The following FNBP1L variants were observed in gnomAD, a reference collection of about 807,000 sequenced individuals.
FNBP1L encodes formin binding protein 1 like, also known as formin-binding protein 1-like.
In FNBP1L, 36 loss-of-function variants were observed where a neutral mutation model predicts 91.2. The ratio of observed to expected loss-of-function variants is 0.39; its 90% confidence interval spans 0.30 to 0.52. FNBP1L has a LOEUF of 0.52. FNBP1L is among the 20% of genes least tolerant of loss of function. The pLI is 0.66. For missense variants in FNBP1L, 571 were observed against 732.1 expected (o/e 0.78, Z 2.54); for synonymous variants, 242 against 237.0 (o/e 1.02, Z -0.19).
chr1:93,468,672 C>G (rs1669179243), intron 1 of FNBP1L, among the ~76,000 whole-genome samples: 1 of 152,210 alleles, frequency 6.6e-6, no homozygotes, highest in Non-Finnish European at 1.5e-5. Flanking sequence ...CTCAAGCAGT[C>G]TGCCTGCCTC....
chr1:93,512,915 C>T (rs1670914072), intron 2 of FNBP1L, among the ~76,000 whole-genome samples: 1 of 151,824 alleles, frequency 6.6e-6, no homozygotes, highest in African/African-American at 2.4e-5. Context: ...CAAGAAATAA[C>T]TGAAATCAGA....
chr1:93,524,729 A>C (rs943638164), intron 5 of FNBP1L, among the ~76,000 whole-genome samples: 2 of 151,660 alleles, frequency 1.3e-5, no homozygotes, highest in Non-Finnish European at 2.9e-5. Flanking sequence ...TTAACTTAAC[A>C]CTTGATGTCT....
chr1:93,529,925 G>A (rs999176017), intron 6 of FNBP1L, among the ~76,000 whole-genome samples, 169 bp downstream of exon 6: 1 of 152,126 alleles, frequency 6.6e-6, no homozygotes, highest in African/African-American at 2.4e-5. Context: ...ATTGGTCTGA[G>A]AAAGTAATAT....
At chr1:93,537,273 T>A (rs1671880426) in intron 10 of FNBP1L, among the ~76,000 whole-genome samples, 1 of 152,104 alleles carries the variant, frequency 6.6e-6, no homozygotes, top group African/African-American at 2.4e-5. Context: ...CATAGGTTCA[T>A]TAACCCATAG....
intron 1 of FNBP1L, among the ~76,000 whole-genome samples, chr1:93,494,137 C>T (rs1670188406): frequency 1.3e-5 from 2 of 152,154 alleles, no homozygotes; most frequent in South Asian, 2.1e-4. Flanking sequence ...TCCTGTGACC[C>T]CCTCCTCCAG....
intron 1 of FNBP1L, among the ~76,000 whole-genome samples, chr1:93,492,653 G>A (rs189669934): frequency 6.6e-6 from 1 of 152,194 alleles, no homozygotes; most frequent in Admixed American, 6.5e-5. Flanking sequence ...TTTGAGACCA[G>A]ACGGAGCAAC....
intron 9 of FNBP1L, 82 bp from the exon 10 acceptor site, chr1:93,536,250 A>G (rs911465152): frequency 6.8e-6 from 7 of 1,025,828 alleles, no homozygotes; most frequent in African/African-American, 6.6e-5. Context: ...TGTGAAAAGT[A>G]TGTTGCCAAA....
chr1:93,455,894 A>G (rs999681374), intron 1 of FNBP1L, among the ~76,000 whole-genome samples: 3 of 152,158 alleles, frequency 2.0e-5, no homozygotes, highest in African/African-American at 4.8e-5. Context: ...ATTAACTTCT[A>G]TGATTGGTTT....
chr1:93,511,251 G>C (rs1670829282), intron 2 of FNBP1L, among the ~76,000 whole-genome samples: 1 of 152,208 alleles, frequency 6.6e-6, no homozygotes, highest in African/African-American at 2.4e-5. Flanking sequence ...ACTAACAGCT[G>C]ATCTCTCAGC....
At chr1:93,453,790 C>G (rs563938970) in intron 1 of FNBP1L, among the ~76,000 whole-genome samples, 1 of 152,158 alleles carries the variant, frequency 6.6e-6, no homozygotes, top group Admixed American at 6.5e-5. Flanking sequence ...ACCTGAAACA[C>G]GTAAACAGGA....
rs144084074 is a variant in FNBP1L, at chr1:93,450,408, T to A, written c.24+2103T>A. On this transcript the variant is annotated intron_variant, in intron 1 of 16. Coordinates refer to ENST00000271234, the MANE Select transcript of FNBP1L (RefSeq NM_001164473.3). ...TCTCCATATTTTAAGATTTTTAGTT[T>A]GAGGATTTGAGGGAAACATTTATTA... Among the ~76,000 whole-genome samples, 291 of 152,308 alleles carry A rather than the reference T, an allele frequency of 1.9e-3. 2 individuals carry two copies. Among genetic ancestry groups the A allele is most frequent in the African/African-American group, 6.7e-3 (280 of 41,566 alleles).
chr1:93,537,108 T>C (rs1013259029), intron 10 of FNBP1L, among the ~76,000 whole-genome samples: 13 of 152,098 alleles, frequency 8.5e-5, no homozygotes, highest in African/African-American at 2.9e-4. Flanking sequence ...ACAACTGTTA[T>C]ACTACTAATA....
chr1:93,464,599 A>G (rs1015922282), intron 1 of FNBP1L, among the ~76,000 whole-genome samples: 3 of 152,180 alleles, frequency 2.0e-5, no homozygotes, highest in African/African-American at 4.8e-5. Context: ...TCCAATTTCA[A>G]TCATAATATG....
At chr1:93,469,085 CT>C (rs1004542709) in intron 1 of FNBP1L, among the ~76,000 whole-genome samples, 6 of 149,290 alleles carry the variant, frequency 4.0e-5, no homozygotes, top group South Asian at 4.2e-4. Context: ...CCTCAGTTAA[CT>C]TTTTTTTTTA....
At chr1:93,476,247 G>A (rs1286982593) in intron 1 of FNBP1L, among the ~76,000 whole-genome samples, 1 of 152,164 alleles carries the variant, frequency 6.6e-6, no homozygotes, top group Non-Finnish European at 1.5e-5. Flanking sequence ...AAACTCTTAA[G>A]TGTAGAATCT....
intron 2 of FNBP1L, among the ~76,000 whole-genome samples, chr1:93,514,044 C>T (rs1193776000): frequency 3.9e-5 from 6 of 151,980 alleles, no homozygotes; most frequent in Non-Finnish European, 8.8e-5. Context: ...CCAAAATCTC[C>T]TTAAGCTGAT....
At chr1:93,512,422 C>G (rs1246071965) in intron 2 of FNBP1L, among the ~76,000 whole-genome samples, 4 of 151,638 alleles carry the variant, frequency 2.6e-5, no homozygotes, top group Non-Finnish European at 5.9e-5. Context: ...CCAAGCGGAC[C>G]TAATAGACAT....
chr1:93,483,018 AAAAAAAC>A (rs1170995959), intron 1 of FNBP1L, among the ~76,000 whole-genome samples: 4 of 145,514 alleles, frequency 2.7e-5, no homozygotes, highest in African/African-American at 7.7e-5. Context: ...ACTCCGTCTA[AAAAAAAC>A]AAAAAAAACA....
rs1025671883 is a variant in FNBP1L at position 93,550,786 on chromosome 1, G to A, written c.1652-161G>A. 2.6e-5 allele frequency among the ~76,000 whole-genome samples: 4 copies of A among 152,266 alleles called. No individual in the cohort carries two copies. In the South Asian group the frequency reaches 8.3e-4, roughly 32 times the overall value. On this transcript the variant is annotated intron_variant, in intron 15 of 16. Coordinates refer to ENST00000271234, the MANE Select transcript of FNBP1L (RefSeq NM_001164473.3). Reference sequence around the variant, plus strand: ...ATGAGAGAATGTATATGAAAGTGCTGGGTAAGCCACAAAGCACAATAGAGA... The same window carrying A: ...ATGAGAGAATGTATATGAAAGTGCTAGGTAAGCCACAAAGCACAATAGAGA...
Sources: allele counts gnomAD v4.1 joint callset (sites outside exome capture counted in the v4.1 genomes callset), GRCh38; gene constraint gnomAD v4.1.1; transcripts MANE v1.5; gene names NCBI Gene and HGNC (gene_info 2026-07-23, HGNC 2026-07-21).